PUDP: variants seen among roughly 807,000 people sequenced by gnomAD.
The protein encoded by PUDP is pseudouridine-5'-phosphatase.
A neutral mutation model predicts 9.4 loss-of-function variants in PUDP; 8 were observed. The ratio of observed to expected loss-of-function variants is 0.85; its 90% CI spans 0.50 to 1.53. PUDP has a LOEUF of 1.53. PUDP is among the 40% of genes most tolerant of loss of function. The probability of loss-of-function intolerance (pLI) is 0.00; values close to 1 mark genes in which losing one functional copy is unlikely to be tolerated. For missense variants in PUDP, 188 were observed against 189.7 expected (o/e 0.99, Z 0.05); for synonymous variants, 99 against 80.7 (o/e 1.23, Z -1.22).
chrX:7,081,278 C>T (rs184432244), intron 2 of PUDP, among the ~76,000 whole-genome samples: 4 of 111,474 alleles, frequency 3.6e-5, no homozygotes, highest in Non-Finnish European at 5.6e-5. Flanking sequence ...CTCAGCCTCC[C>T]GAATAGCTGG....
At chrX:7,038,489 T>G (rs763833000) in intron 1 of PUDP, among the ~76,000 whole-genome samples, 1 of 112,113 alleles carries the variant, frequency 8.9e-6, no homozygotes, top group South Asian at 3.7e-4. Context: ...TAAAATTAGG[T>G]GAAGTGTGTA....
At chrX:7,006,100 C>G (rs898776673) in intron 1 of PUDP, among the ~76,000 whole-genome samples, 3 of 112,078 alleles carry the variant, frequency 2.7e-5, no homozygotes, top group Non-Finnish European at 5.6e-5. Context: ...CTTGGGTTGC[C>G]TTCACTTTTT....
At position 7,020,021 on chromosome X, in the gene PUDP, T is replaced by TGAGA. The variant is rs756986095; in HGVS notation, c.205-41682_205-41679dup. Among the ~76,000 whole-genome samples, 4 of 106,676 alleles carry TGAGA rather than the reference T, an allele frequency of 3.7e-5. No homozygotes were observed. In the Admixed American group the frequency reaches 4.0e-4, roughly 11 times the overall value. 92.6% of individuals were successfully genotyped at this position (106,676 alleles called of 115,157 possible). The stretch of plus-strand genomic sequence containing the variant: ...TATTGGAAGGAGGATGCAGGAAGAA[T>TGAGA]GAGAGAGAGAGAGAGAAAGGGAGAT... On this transcript the variant is annotated intron_variant and NMD_transcript_variant, in intron 1 of 3. Coordinates refer to the PUDP transcript ENST00000655425.
intron 3 of PUDP, among the ~76,000 whole-genome samples, chrX:6,789,761 A>G (rs1925708058): frequency 1.1e-5 from 1 of 94,913 alleles, no homozygotes; most frequent in Admixed American, 1.2e-4. Context: ...AGGTAGGCAG[A>G]TAGATAGGTA....
At chrX:6,821,128 T>G (rs1926335352) in intron 3 of PUDP, among the ~76,000 whole-genome samples, 1 of 111,086 alleles carries the variant, frequency 9.0e-6, no homozygotes, top group Non-Finnish European at 1.9e-5. Context: ...AGGGGATAAT[T>G]TTAAAGCACT....
intron 3 of PUDP, among the ~76,000 whole-genome samples, chrX:6,950,323 G>A (rs1314317212): frequency 1.3e-5 from 1 of 75,715 alleles, no homozygotes; most frequent in African/African-American, 5.3e-5. Flanking sequence ...AGGTGACAGA[G>A]CAAAGCTCTG....
chrX:6,816,519 T>C (rs1171247589), intron 3 of PUDP, among the ~76,000 whole-genome samples: 1 of 102,618 alleles, frequency 9.7e-6, no homozygotes, highest in Non-Finnish European at 2.0e-5. Context: ...TACTATACTA[T>C]AGTATATACA....
chrX:7,121,644 G>T (rs921863411), intron 1 of PUDP, among the ~76,000 whole-genome samples: 7 of 111,545 alleles, frequency 6.3e-5, no homozygotes, highest in African/African-American at 2.3e-4. Flanking sequence ...CTCCCAGAGA[G>T]AAAAGATCCA....
chrX:6,815,667 C>A (rs1479799633), intron 3 of PUDP, among the ~76,000 whole-genome samples: 1 of 110,767 alleles, frequency 9.0e-6, no homozygotes, highest in East Asian at 2.8e-4. Flanking sequence ...TATAGCCCAG[C>A]CTCCATAAAA....
chrX:6,798,628 G>A (rs1925881986), intron 3 of PUDP, among the ~76,000 whole-genome samples: 1 of 111,841 alleles, frequency 8.9e-6, no homozygotes, highest in Admixed American at 9.5e-5. Flanking sequence ...TGGAGTATAA[G>A]AATATCTGAT....
At position 7,096,909 on chromosome X, in the gene PUDP, A is replaced by T. The variant is rs762966265; in HGVS notation, c.280+8711T>A. Among the ~76,000 whole-genome samples, 10 of 110,785 alleles carry T rather than the reference A, an allele frequency of 9.0e-5. No individual in the cohort carries two copies. In the South Asian group the frequency reaches 3.9e-3, roughly 43 times the overall value. ...AGGGATATTCTCCCTACTTAAGATC[A>T]TCCTTTCATTCCTCTAGTGACAAAT... On this transcript the variant is annotated intron_variant, in intron 2 of 3. Transcript: ENST00000381077.
chrX:7,100,539 T>C (rs1342672697), intron 2 of PUDP, among the ~76,000 whole-genome samples: 2 of 111,750 alleles, frequency 1.8e-5, no homozygotes, highest in Non-Finnish European at 3.8e-5. Context: ...TCAAGGGTTA[T>C]ATTATCATCT....
At chrX:6,999,486 A>G (rs958696440) in intron 1 of PUDP, among the ~76,000 whole-genome samples, 1 of 112,121 alleles carries the variant, frequency 8.9e-6, no homozygotes, top group African/African-American at 3.2e-5. Flanking sequence ...AGGTACATAA[A>G]ATAGTAATGA....
At chrX:6,708,560 A>C (rs1183115731) in intron 1 of PUDP, among the ~76,000 whole-genome samples, 2 of 112,334 alleles carry the variant, frequency 1.8e-5, no homozygotes, top group African/African-American at 6.5e-5. Flanking sequence ...CGCTCACATC[A>C]ACTAGATTAT....
In PUDP at chrX:6,901,227, G is replaced by T. The variant is rs1369587023; in HGVS notation, c.*247+75906C>A. ...ACACTGAACAAATGGCTGCAGAGAT[G>T]ATGTAAGATCAGATCAAATATAAAT... On this transcript the variant is annotated intron_variant and NMD_transcript_variant, in intron 3 of 3. Transcript: ENST00000655425. 1.1e-4 allele frequency among the ~76,000 whole-genome samples: 12 copies of T among 112,014 alleles called. 1 individual carries two copies. In the Admixed American group the frequency reaches 1.1e-3, roughly 11 times the overall value.
intron 3 of PUDP, among the ~76,000 whole-genome samples, chrX:6,751,259 TA>T (rs1320927351): frequency 8.9e-6 from 1 of 112,023 alleles, no homozygotes; most frequent in Non-Finnish European, 1.9e-5. Context: ...AAAAGAATAC[TA>T]CGTTCTTTAT....
At chrX:7,023,722 T>C (rs993721464) in intron 1 of PUDP, among the ~76,000 whole-genome samples, 3 of 112,159 alleles carry the variant, frequency 2.7e-5, no homozygotes, top group African/African-American at 9.7e-5. Context: ...TTTATGCCAA[T>C]ACCACACTCT....
intron 3 of PUDP, among the ~76,000 whole-genome samples, chrX:6,733,618 T>C (rs1486362181): frequency 3.7e-5 from 4 of 109,227 alleles, no homozygotes; most frequent in Non-Finnish European, 5.7e-5. Context: ...AGAGAGATGG[T>C]CCATAGCGGC....
At chrX:6,931,517 A>G (rs1483998701) in intron 3 of PUDP, among the ~76,000 whole-genome samples, 1 of 111,856 alleles carries the variant, frequency 8.9e-6, no homozygotes, top group Admixed American at 9.5e-5. Flanking sequence ...CACGAAGGAA[A>G]TAATTAGGTA....
Sources: gnomAD v4.1 joint callset for allele counts (sites outside exome capture counted in the v4.1 genomes callset) on GRCh38, gnomAD v4.1.1 for gene constraint, MANE v1.5 for transcripts, NCBI Gene and HGNC (gene_info 2026-07-23, HGNC 2026-07-21) for gene names.